The following PARD3B variants were observed in gnomAD, a reference collection of about 807,000 sequenced individuals.
PARD3B encodes the protein par-3 family cell polarity regulator beta.
Under a neutral mutation model 130.2 loss-of-function variants are expected in PARD3B, and 103 were observed. The observed-to-expected ratio is 0.79, with a 90% confidence interval of 0.67 to 0.93. PARD3B has a LOEUF of 0.93. Ranked by LOEUF, PARD3B falls within the 40% of genes least tolerant of loss-of-function variation. The pLI is 0.00. For missense variants in PARD3B, 1,609 were observed against 1,499.2 expected, an observed-to-expected ratio of 1.07 and a Z score of -1.21; for synonymous variants, 583 against 553.2, an observed-to-expected ratio of 1.05 and a Z score of -0.76.
rs552559085 is a variant in PARD3B, at chr2:205,157,694, A to G, written c.1435-1028A>G. On this transcript the variant is annotated intron_variant, in intron 10 of 22. Transcript: ENST00000406610. ...GACCTTAAGATGGGAGTCTCTAGAT[A>G]TAATTATAGAGAGGAAGGAACCGAC... Among the ~76,000 whole-genome samples the G allele has an allele frequency of 8.5e-5, 13 of 152,310 alleles. No individual in the cohort carries two copies. In the South Asian group the frequency reaches 2.5e-3, roughly 29 times the overall value.
intron 19 of PARD3B, among the ~76,000 whole-genome samples, chr2:205,427,426 A>C (rs2047180707): frequency 6.6e-6 from 1 of 152,264 alleles, no homozygotes; most frequent in Admixed American, 6.5e-5. Context: ...AATACTATGA[A>C]GCATTTTAAA....
rs2046371814 is a variant in PARD3B, at chr2:205,405,010, G to A, written c.2741+3887G>A. On this transcript the variant is annotated intron_variant, in intron 19 of 22. Coordinates refer to ENST00000406610, the MANE Select transcript of PARD3B (RefSeq NM_001302769.2). The surrounding 1 kb of genome is among the most constrained non-coding windows in gnomAD (Gnocchi z 4.1). ...CTCTCCCCATTCATCTAATTTTTTT[G>A]TGCTGATTTTCATATCTCATTTTAA... Among the ~76,000 whole-genome samples the A allele has an allele frequency of 6.6e-6, 1 of 151,754 alleles. No homozygotes were observed. Among genetic ancestry groups the A allele is most frequent in the Non-Finnish European group, 1.5e-5 (1 of 67,948 alleles).
chr2:204,734,462 A>C (rs919403155), intron 2 of PARD3B, among the ~76,000 whole-genome samples: 1 of 152,192 alleles, frequency 6.6e-6, no homozygotes, highest in African/African-American at 2.4e-5. Flanking sequence ...GAATGTTCAC[A>C]GCAACTTTGT....
At chr2:204,995,152 G>C (rs1694048888) in intron 3 of PARD3B, among the ~76,000 whole-genome samples, 1 of 152,264 alleles carries the variant, frequency 6.6e-6, no homozygotes, top group African/African-American at 2.4e-5. Flanking sequence ...TTGCTCATTA[G>C]TTGATGCAGT....
intron 1 of PARD3B, among the ~76,000 whole-genome samples, chr2:204,662,808 C>T (rs185267207): frequency 1.8e-3 from 275 of 152,274 alleles, no homozygotes; most frequent in African/African-American, 4.9e-3. Context: ...GACCCGCCAT[C>T]AGTCCAAATG....
At chr2:205,356,916 A>G (rs1263175018) in intron 18 of PARD3B, among the ~76,000 whole-genome samples, 4 of 151,724 alleles carry the variant, frequency 2.6e-5, no homozygotes, top group African/African-American at 9.7e-5. Context: ...ATAGAAGACA[A>G]AAAGAACATC....
chr2:205,028,650 A>G (rs774667100), intron 3 of PARD3B, among the ~76,000 whole-genome samples: 6 of 152,158 alleles, frequency 3.9e-5, no homozygotes, highest in Non-Finnish European at 8.8e-5. Context: ...CACCACTTCT[A>G]TTCAACATAG....
At chr2:205,282,754 T>C (rs2041239750) in intron 16 of PARD3B, among the ~76,000 whole-genome samples, 1 of 152,150 alleles carries the variant, frequency 6.6e-6, no homozygotes, top group South Asian at 2.1e-4. Flanking sequence ...ACAGAAAAGT[T>C]CTCTGAAAAG....
chr2:205,360,186 A>G (rs2044337751), intron 18 of PARD3B, among the ~76,000 whole-genome samples: 1 of 152,122 alleles, frequency 6.6e-6, no homozygotes, highest in African/African-American at 2.4e-5. Context: ...TATGGTTGTT[A>G]ATTCTTATAG....
chr2:205,413,884 T>C (rs1033097989), intron 19 of PARD3B, among the ~76,000 whole-genome samples: 6 of 152,294 alleles, frequency 3.9e-5, no homozygotes, highest in South Asian at 4.1e-4. Context: ...ATTTAATCAG[T>C]TGAAATTAGT....
At chr2:205,435,211 G>A (rs2047471737) in intron 19 of PARD3B, among the ~76,000 whole-genome samples, 1 of 151,902 alleles carries the variant, frequency 6.6e-6, no homozygotes, top group South Asian at 2.1e-4. Context: ...ATGTATATGT[G>A]AGGATATATA....
chr2:205,569,603 T>C (rs1323086639), intron 22 of PARD3B, among the ~76,000 whole-genome samples: 2 of 152,218 alleles, frequency 1.3e-5, no homozygotes, highest in African/African-American at 4.8e-5. Flanking sequence ...ACACCCATGC[T>C]GAATGGCTTT....
intron 20 of PARD3B, among the ~76,000 whole-genome samples, chr2:205,444,298 T>A (rs1351765382): frequency 6.6e-6 from 1 of 152,126 alleles, no homozygotes; most frequent in Admixed American, 6.5e-5. Flanking sequence ...AAAAGTTTTT[T>A]TTTTAACTAT....
intron 18 of PARD3B, among the ~76,000 whole-genome samples, chr2:205,338,152 C>CA (rs1159561152): frequency 0.18 from 3,674 of 20,372 alleles, 622 homozygotes; most frequent in African/African-American, 0.3. Context: ...GACTCCATCT[C>CA]AAAAAAAAAA....
intron 2 of PARD3B, among the ~76,000 whole-genome samples, chr2:204,921,346 A>T (rs1355635747): frequency 6.6e-6 from 1 of 152,200 alleles, no homozygotes; most frequent in East Asian, 1.9e-4. Context: ...AACAATCTAG[A>T]GAAATCTGTT....
intron 3 of PARD3B, among the ~76,000 whole-genome samples, chr2:205,008,080 A>G (rs1695424384): frequency 6.6e-6 from 1 of 152,158 alleles, no homozygotes; most frequent in African/African-American, 2.4e-5. Flanking sequence ...CTAAAAGAAG[A>G]GTGGAAGAAA....
At position 204,623,407 on chromosome 2, in the gene PARD3B, C is replaced by T. The variant is rs1010149142; in HGVS notation, c.121-62774C>T. 2.0e-4 allele frequency among the ~76,000 whole-genome samples: 30 copies of T among 152,086 alleles called. No homozygotes were observed. The highest frequency in any genetic ancestry group is 6.8e-4 in the African/African-American group (28 of 41,452). On this transcript the variant is annotated intron_variant, in intron 1 of 22. Transcript: ENST00000406610. The surrounding 1 kb of genome is among the most constrained non-coding windows in gnomAD (Gnocchi z 4.5). The stretch of plus-strand genomic sequence containing the variant: ...ATTCTACCATCACAAAAACCTCCCT[C>T]GTGCCACCCCTTTATAGTCATACCC...
chr2:205,334,336 TA>T, intron 18 of PARD3B, among the ~76,000 whole-genome samples: 1 of 152,150 alleles, frequency 6.6e-6, no homozygotes, highest in East Asian at 1.9e-4. Flanking sequence ...TTCTTAAGAA[TA>T]AATAATAATC....
In PARD3B at chr2:205,395,633, A is replaced by G. The variant is rs371181599; in HGVS notation, c.2631-5380A>G. ...TGAATCTTTTGATACCTCTTCATTG[A>G]CTCACCATTTCCAAATGACTATCTT... On this transcript the variant is annotated intron_variant, in intron 18 of 22. Transcript: ENST00000406610. 9.9e-5 allele frequency among the ~76,000 whole-genome samples: 15 copies of G among 152,108 alleles called. 1 individual carries two copies. The highest frequency in any genetic ancestry group is 3.6e-4 in the African/African-American group (15 of 41,470).
Sources: allele counts gnomAD v4.1 joint callset (sites outside exome capture counted in the v4.1 genomes callset), GRCh38; gene constraint gnomAD v4.1.1; non-coding constraint Gnocchi (gnomAD v3.1); transcripts MANE v1.5; gene names NCBI Gene and HGNC (gene_info 2026-07-23, HGNC 2026-07-21).